The following GUCD1 variants were observed in gnomAD, a reference collection of about 807,000 sequenced individuals.
The protein encoded by GUCD1 is protein GUCD1.
A neutral mutation model predicts 28.3 loss-of-function variants in GUCD1; 17 were observed. The ratio of observed to expected loss-of-function variants is 0.60; its 90% CI spans 0.41 to 0.90. The LOEUF is 0.90. Ranked by LOEUF, GUCD1 falls within the 40% of genes least tolerant of loss-of-function variation. GUCD1 has a pLI of 0.00. For missense variants in GUCD1, 279 were observed against 305.5 expected (o/e 0.91, Z 0.65); for synonymous variants, 129 against 123.3 (o/e 1.05, Z -0.30).
chr22:24,540,871 G>A lies in GUCD1; in HGVS notation c.*2135C>T, dbSNP rs1383635883. 1.2e-5 allele frequency: 2 copies of A among 164,354 alleles called. No homozygotes were observed. Among genetic ancestry groups the A allele is most frequent in the African/African-American group, 4.8e-5 (2 of 41,502 alleles). 10.2% of individuals were successfully genotyped at this position (164,354 alleles called of 1,614,324 possible). A position where few individuals can be genotyped will look rare whatever the true frequency, so the allele number is the denominator to read the frequency against. On this transcript the variant is annotated 3_prime_UTR_variant, in exon 6 of 6. Coordinates refer to ENST00000435822, the MANE Select transcript of GUCD1 (RefSeq NM_001284254.2). ...CTAAACATTTTGGCTGGACTGAGGT[G>A]CTGTTACCACCCTCCATGAAGGCCA...
intron 3 of GUCD1, 47 bp downstream of exon 3, chr22:24,547,861 A>G: frequency 6.2e-7 from 1 of 1,604,074 alleles, no homozygotes; most frequent in Non-Finnish European, 8.5e-7. Context: ...GTGGCCTTAT[A>G]CCTCTGTGTG....
Position 24,544,043 on chromosome 22 carries a change from C to T in GUCD1, c.427G>A (p.Gly143Ser), listed in dbSNP as rs758337402. 1.1e-5 allele frequency: 17 copies of T among 1,613,628 alleles called. No homozygotes were observed. In the Admixed American group the frequency reaches 2.7e-4, roughly 25 times the overall value. ...TTCACCAGCACGATGGCCACATGGC[C>T]CTGAGCCAGGTGCGCCTGGATGTCC... Reference protein sequence around the residue: ...VKDIQAHLAQGHVAIVLVNSG... With the variant: ...VKDIQAHLAQSHVAIVLVNSG... The change falls in exon 5 of 6, where the codon GGC becomes AGC. Residue 143 changes from glycine (G) to serine (S), a missense_variant. Physicochemically the swap from Gly to Ser is moderately conservative, Grantham distance 56. Coordinates refer to ENST00000435822, the MANE Select transcript of GUCD1 (RefSeq NM_001284254.2).
In GUCD1 at chr22:24,541,627, T is replaced by TC. The variant is rs2044594850; in HGVS notation, c.*1378dup. 1.9e-5 allele frequency: 1 copy of TC among 51,568 alleles called. No homozygotes were observed. Among genetic ancestry groups the TC allele is most frequent in the Admixed American group, 2.1e-4 (1 of 4,712 alleles). The allele number at this position is 51,568 out of a possible 1,614,324, so 3.2% of individuals were successfully genotyped here. ...CTGGGCAACAGAGTGAGTCTCCGTC[T>TC]CAAAAAAAAAAAAAAAAATCCATTT... is the stretch of plus-strand genomic sequence containing the variant. On this transcript the variant is annotated 3_prime_UTR_variant, in exon 6 of 6. Transcript: ENST00000435822.
At position 24,542,769 on chromosome 22, in the gene GUCD1, T is replaced by C; in HGVS notation, c.*237A>G. ...GCAGCTGGAGTCAAGGCTTGGGGTCTTGGGGTATGCTTCCAGCAGCCAGCA... is the reference window on the plus strand; with the variant it reads ...GCAGCTGGAGTCAAGGCTTGGGGTCCTGGGGTATGCTTCCAGCAGCCAGCA... On this transcript the variant is annotated 3_prime_UTR_variant, in exon 6 of 6. Transcript: ENST00000435822. 2.1e-6 allele frequency: 1 copy of C among 484,204 alleles called. No individual in the cohort carries two copies. Among genetic ancestry groups the C allele is most frequent in the Non-Finnish European group, 3.8e-6 (1 of 263,544 alleles). The allele number at this position is 484,204 out of a possible 1,614,324, so 30.0% of individuals were successfully genotyped here.
intron 1 of GUCD1, among the ~76,000 whole-genome samples, chr22:24,551,627 C>T (rs948841979): frequency 5.9e-5 from 9 of 152,200 alleles, no homozygotes; most frequent in African/African-American, 2.2e-4. Flanking sequence ...GGTTGTGTCC[C>T]TTCTAGTCAT....
At chr22:24,546,228 T>C (rs2044724334) in intron 4 of GUCD1, among the ~76,000 whole-genome samples, 1 of 152,246 alleles carries the variant, frequency 6.6e-6, no homozygotes, top group Non-Finnish European at 1.5e-5. Context: ...CCCAAAGTGC[T>C]GGGATTACAG....
chr22:24,547,992 G>A lies in GUCD1; in HGVS notation c.210C>T (p.Asp70=), dbSNP rs772851008. 33 of 1,614,056 alleles carry A rather than the reference G, an allele frequency of 2.0e-5. No individual in the cohort carries two copies. Among genetic ancestry groups the A allele is most frequent in the Non-Finnish European group, 1.5e-5 (18 of 1,180,014 alleles). The stretch of plus-strand genomic sequence containing the variant: ...CAAAGTGGTGCATCAGGTAGGCCAG[G>A]TCGATGGTCCAGATGCTCCTGGTCA... ...LQLTRSIWTI[D]LAYLMHHFGV... The change falls in exon 3 of 6, where the codon GAC becomes GAT. Residue 70 remains aspartate, a synonymous_variant. Transcript: ENST00000435822.
upstream of GUCD1, chr22:24,555,592 G>T (rs2045039754): frequency 6.5e-7 from 1 of 1,548,790 alleles, no homozygotes; most frequent in African/African-American, 1.4e-5. Flanking sequence ...CAGATACCTA[G>T]CCTCACTCAG....
chr22:24,553,313 G>A (rs921991448), intron 1 of GUCD1, among the ~76,000 whole-genome samples: 1 of 152,202 alleles, frequency 6.6e-6, no homozygotes, highest in African/African-American at 2.4e-5. Context: ...TAGCTGATGA[G>A]CCTTAGTCTG....
intron 4 of GUCD1, among the ~76,000 whole-genome samples, chr22:24,546,118 C>T (rs1256965557): frequency 6.6e-5 from 10 of 152,096 alleles, no homozygotes; most frequent in East Asian, 5.8e-4. Context: ...CCTGCCACCA[C>T]GCCCGACTAA....
Position 24,543,110 on chromosome 22 carries a change from G to C in GUCD1, c.629-13C>G. 1.9e-6 allele frequency: 3 copies of C among 1,608,608 alleles called. No individual in the cohort carries two copies. The highest frequency in any genetic ancestry group is 2.2e-5 in the East Asian group (1 of 44,834). ...GTGCTGCACATTCCTGCTGGGGGTG[G>C]GGAAGGCAGAACGGGGTCAGTGGGT... On this transcript the variant is annotated splice_polypyrimidine_tract_variant and intron_variant, in intron 5 of 5. Transcript: ENST00000435822.
At chr22:24,555,498 G>A, upstream of GUCD1, 2 of 1,263,498 alleles carry the variant, frequency 1.6e-6, no homozygotes, top group Non-Finnish European at 2.2e-6. Flanking sequence ...CATCCCCGAG[G>A]CCCCAAGCAA....
chr22:24,543,238 C>T, intron 5 of GUCD1, 141 bp from the exon 6 acceptor site: 1 of 651,986 alleles, frequency 1.5e-6, no homozygotes, highest in Admixed American at 2.2e-5. Context: ...CCTCCACCCC[C>T]AGGAAGCCCT....
Position 24,542,544 on chromosome 22 carries a change from A to AG in GUCD1, c.*461dup, listed in dbSNP as rs1445810546. 1 of 158,828 alleles carries AG rather than the reference A, an allele frequency of 6.3e-6. No homozygotes were observed. Among genetic ancestry groups the AG allele is most frequent in the East Asian group, 1.8e-4 (1 of 5,464 alleles). 9.8% of individuals were successfully genotyped at this position (158,828 alleles called of 1,614,324 possible). A position where few individuals can be genotyped will look rare whatever the true frequency, so the allele number is the denominator to read the frequency against. The stretch of plus-strand genomic sequence containing the variant: ...GGCATATGCAGCACTTCCAGGAGAG[A>AG]GGGGCCTGGAGGGGTCCTCAGCCCT... On this transcript the variant is annotated 3_prime_UTR_variant, in exon 6 of 6. Coordinates refer to ENST00000435822, the MANE Select transcript of GUCD1 (RefSeq NM_001284254.2).
intron 1 of GUCD1, among the ~76,000 whole-genome samples, chr22:24,550,673 G>T (rs1224061402): frequency 6.6e-6 from 1 of 152,148 alleles, no homozygotes; most frequent in East Asian, 1.9e-4. Context: ...CCCTGTGTGC[G>T]CCAGCTAAGA....
At chr22:24,555,709 G>C (rs184920490), upstream of GUCD1, 1 of 1,550,648 alleles carries the variant, frequency 6.4e-7, no homozygotes. Context: ...CCCAAGCCCC[G>C]CGTCTCCGCC....
At chr22:24,555,384 C>T (rs989211484), upstream of GUCD1, 4 of 1,290,928 alleles carry the variant, frequency 3.1e-6, no homozygotes, top group East Asian at 2.6e-5. Flanking sequence ...CGCCCCAAAG[C>T]TCGTGCATTT....
At chr22:24,555,761 T>G, upstream of GUCD1, 1 of 1,550,530 alleles carries the variant, frequency 6.4e-7, no homozygotes, top group Non-Finnish European at 8.7e-7. Flanking sequence ...CTTGGAAGTG[T>G]GAGCACCCTC....
intron 5 of GUCD1, among the ~76,000 whole-genome samples, 198 bp downstream of exon 5, chr22:24,543,644 C>G (rs918774179): frequency 1.3e-5 from 2 of 151,840 alleles, no homozygotes; most frequent in Non-Finnish European, 2.9e-5. Flanking sequence ...GAGGCTGGCA[C>G]AGTTTGCGGC....
Sources: allele counts gnomAD v4.1 joint callset (sites outside exome capture counted in the v4.1 genomes callset), GRCh38; gene constraint gnomAD v4.1.1; transcripts MANE v1.5; gene names NCBI Gene and HGNC (gene_info 2026-07-23, HGNC 2026-07-21).